Variants in ANKRD30BL observed in about 807,000 individuals in gnomAD.
ANKRD30BL encodes the protein putative ankyrin repeat domain-containing protein 30B-like.
In ANKRD30BL, 20 loss-of-function variants were observed where a neutral mutation model predicts 18.4. The observed-to-expected ratio is 1.09, with a 90% confidence interval of 0.77 to 1.58. The LOEUF (loss-of-function observed/expected upper bound fraction) is 1.58, where lower values mean the gene tolerates loss of function less well. Among genes scored for constraint, ANKRD30BL ranks in the 40% most tolerant of loss-of-function variants. The pLI is 0.00. For missense variants in ANKRD30BL, 224 were observed against 268.6 expected, an observed-to-expected ratio of 0.83 and a Z score of 1.16; for synonymous variants, 72 against 100.9, an observed-to-expected ratio of 0.71 and a Z score of 1.72.
chr2:132,179,910 T>C (rs1291091827), intron 1 of ANKRD30BL, among the ~76,000 whole-genome samples: 1 of 152,136 alleles, frequency 6.6e-6, no homozygotes, highest in East Asian at 1.9e-4. Context: ...TATAAAGAAA[T>C]GATATTTTTT....
chr2:132,239,845 CTTCT>C (rs1203418658), intron 1 of ANKRD30BL, among the ~76,000 whole-genome samples: 1 of 151,112 alleles, frequency 6.6e-6, no homozygotes, highest in Non-Finnish European at 1.5e-5. Context: ...TTCTCAGAAA[CTTCT>C]TTGTGATATG....
At chr2:132,149,662 T>C (rs1354831011) in intron 5 of ANKRD30BL, among the ~76,000 whole-genome samples, 1 of 152,186 alleles carries the variant, frequency 6.6e-6, no homozygotes, top group Non-Finnish European at 1.5e-5. Flanking sequence ...CAAAAGTCAC[T>C]ATGCCACACA....
At chr2:132,191,273 T>C (rs1431662231) in intron 1 of ANKRD30BL, among the ~76,000 whole-genome samples, 1 of 152,252 alleles carries the variant, frequency 6.6e-6, no homozygotes, top group Non-Finnish European at 1.5e-5. Context: ...TTTATTCTAT[T>C]GTATGGAAAT....
At chr2:132,187,761 CTTT>C (rs113704728) in intron 1 of ANKRD30BL, among the ~76,000 whole-genome samples, 1 of 142,188 alleles carries the variant, frequency 7.0e-6, no homozygotes, top group African/African-American at 2.6e-5. Context: ...AGAATAGATT[CTTT>C]TTTTTTTTTT....
At chr2:132,231,530 G>A (rs559319428) in intron 1 of ANKRD30BL, among the ~76,000 whole-genome samples, 3 of 152,334 alleles carry the variant, frequency 2.0e-5, no homozygotes, top group Non-Finnish European at 2.9e-5. Flanking sequence ...CACTTGGGAA[G>A]CACAAGGGGT....
chr2:132,160,832 C>T (rs1688037536), intron 1 of ANKRD30BL, among the ~76,000 whole-genome samples: 1 of 151,742 alleles, frequency 6.6e-6, no homozygotes, highest in Non-Finnish European at 1.5e-5. Flanking sequence ...TAGTAAAAGA[C>T]AGCGTGTGTA....
chr2:132,216,372 C>T (rs1679498208), intron 1 of ANKRD30BL, among the ~76,000 whole-genome samples: 1 of 151,970 alleles, frequency 6.6e-6, no homozygotes, highest in Non-Finnish European at 1.5e-5. Flanking sequence ...AAGAGCTAGA[C>T]AGAAGCATCC....
chr2:132,255,458 G>C (rs1219373259), intron 1 of ANKRD30BL, among the ~76,000 whole-genome samples: 2 of 149,056 alleles, frequency 1.3e-5, no homozygotes, highest in African/African-American at 2.5e-5. Flanking sequence ...GGGGCACCGA[G>C]AGGCAAGAAG....
intron 1 of ANKRD30BL, among the ~76,000 whole-genome samples, chr2:132,182,141 A>T (rs1688477290): frequency 1.3e-5 from 2 of 151,808 alleles, no homozygotes; most frequent in Admixed American, 1.3e-4. Flanking sequence ...AATAAAAAAT[A>T]AAAAAATAAG....
intron 1 of ANKRD30BL, among the ~76,000 whole-genome samples, chr2:132,208,540 A>G (rs200194590): frequency 6.6e-6 from 1 of 152,164 alleles, no homozygotes; most frequent in African/African-American, 2.4e-5. Flanking sequence ...GTACAAAATT[A>G]TGACACAGAC....
intron 1 of ANKRD30BL, among the ~76,000 whole-genome samples, chr2:132,222,170 G>A (rs1679709506): frequency 6.8e-6 from 1 of 147,460 alleles, no homozygotes; most frequent in Non-Finnish European, 1.5e-5. Context: ...GGGAAGTGAG[G>A]AGCCCCTCTG....
upstream of ANKRD30BL, among the ~76,000 whole-genome samples, chr2:132,163,416 A>AAGGAATG (rs1434537425): frequency 6.6e-6 from 1 of 152,064 alleles, no homozygotes; most frequent in Non-Finnish European, 1.5e-5. Flanking sequence ...TGCCACAAAC[A>AAGGAATG]AGGAATGAGA....
chr2:132,222,053 G>T (rs1410314296), intron 1 of ANKRD30BL, among the ~76,000 whole-genome samples: 12 of 131,798 alleles, frequency 9.1e-5, no homozygotes, highest in Admixed American at 2.9e-4. Flanking sequence ...CGGGGGGGGG[G>T]GTCGGCCAGC....
chr2:132,187,495 T>C (rs1038639851), intron 1 of ANKRD30BL, among the ~76,000 whole-genome samples: 4 of 151,960 alleles, frequency 2.6e-5, no homozygotes, highest in African/African-American at 9.7e-5. Flanking sequence ...TTTGTATTTT[T>C]AGTAGAGGCG....
intron 1 of ANKRD30BL, among the ~76,000 whole-genome samples, chr2:132,176,163 G>A (rs1432405958): frequency 1.3e-5 from 2 of 152,154 alleles, no homozygotes. Context: ...GCAGGTGGAG[G>A]CGGGCAGATC....
At chr2:132,212,238 A>C (rs1359016087) in intron 1 of ANKRD30BL, among the ~76,000 whole-genome samples, 4 of 151,374 alleles carry the variant, frequency 2.6e-5, no homozygotes, top group Non-Finnish European at 5.9e-5. Context: ...CCTATGGTGG[A>C]AAAGGGTCTG....
chr2:132,149,062 G>T (rs890953771), intron 5 of ANKRD30BL, among the ~76,000 whole-genome samples: 1 of 152,216 alleles, frequency 6.6e-6, no homozygotes, highest in African/African-American at 2.4e-5. Context: ...CAGACTATGT[G>T]TATTCCATGT....
Position 132,151,739 on chromosome 2 carries a change from C to G in ANKRD30BL, c.615-763G>C, listed in dbSNP as rs983484834. Among the ~76,000 whole-genome samples the G allele has an allele frequency of 3.3e-5, 5 of 151,918 alleles. 1 individual carries two copies. Among genetic ancestry groups the G allele is most frequent in the African/African-American group, 1.2e-4 (5 of 41,450 alleles). On this transcript the variant is annotated intron_variant, in intron 4 of 5. Transcript: ENST00000409867. ...ATTCTTTGTGGCTTGTAATTCAGAG[C>G]ATCTAAGCTATTTTATATTTTGTAA... is the stretch of plus-strand genomic sequence containing the variant.
intron 1 of ANKRD30BL, 70 bp downstream of exon 1, chr2:132,161,418 A>G (rs1688053594): frequency 7.4e-7 from 1 of 1,359,682 alleles, no homozygotes; most frequent in Non-Finnish European, 1.0e-6. Flanking sequence ...CCCAGGCCCC[A>G]CTCTGAAGGG....
Sources: gnomAD v4.1 joint callset for allele counts (sites outside exome capture counted in the v4.1 genomes callset) on GRCh38, gnomAD v4.1.1 for gene constraint, MANE v1.5 for transcripts, NCBI Gene and HGNC (gene_info 2026-07-23, HGNC 2026-07-21) for gene names.